Variants in SMOC1 observed in about 807,000 individuals in gnomAD.
SMOC1 encodes the protein SPARC related modular calcium binding 1.
A neutral mutation model predicts 56.3 loss-of-function variants in SMOC1; 22 were observed. The ratio of observed to expected loss-of-function variants is 0.39; its 90% CI spans 0.28 to 0.56. SMOC1 has a LOEUF of 0.56. Among genes scored for constraint, SMOC1 ranks in the 20% least tolerant of loss-of-function variants. The probability of loss-of-function intolerance (pLI) is 0.61; values close to 1 mark genes in which losing one functional copy is unlikely to be tolerated. For missense variants in SMOC1, 509 were observed against 565.4 expected, an observed-to-expected ratio of 0.90 and a Z score of 1.01; for synonymous variants, 193 against 215.0, an observed-to-expected ratio of 0.90 and a Z score of 0.89.
In SMOC1 at chr14:69,987,891, G is replaced by A. The variant is rs181012571; in HGVS notation, c.527-4526G>A. The stretch of plus-strand genomic sequence containing the variant: ...CTGTATAGGCTCACAGAGCCCATGC[G>A]GGGGCTGCAACTTTCTGGGGCTGCA... On this transcript the variant is annotated intron_variant, in intron 5 of 11. Transcript: ENST00000361956. Among the ~76,000 whole-genome samples, 62 of 152,284 alleles carry A rather than the reference G, an allele frequency of 4.1e-4. 1 individual carries two copies. Among genetic ancestry groups the A allele is most frequent in the Middle Eastern group, 3.4e-3 (1 of 294 alleles).
Position 69,998,069 on chromosome 14 carries a change from TTTTGCAATA to T in SMOC1, c.664+3590_664+3598del, listed in dbSNP as rs1337793289. 3.3e-5 allele frequency among the ~76,000 whole-genome samples: 5 copies of T among 152,274 alleles called. 1 individual carries two copies. The highest frequency in any genetic ancestry group is 7.4e-5 in the Non-Finnish European group (5 of 68,020). ...GAAAGGTTCCACTGGGCAGCTGAAG[TTTTGCAATA>T]ACATGACACATATGCCTACAGACTC... On this transcript the variant is annotated intron_variant, in intron 7 of 11. Transcript: ENST00000361956.
Position 69,977,852 on chromosome 14 carries a change from T to C in SMOC1, c.479-66T>C, listed in dbSNP as rs1053192437. On this transcript the variant is annotated intron_variant, in intron 4 of 11. Transcript: ENST00000361956. ...GCTCATAACATCAGGTTTTGCCAAC[T>C]CTTAGAAAGAAACCAACCACAATGC... 2.9e-6 allele frequency: 4 copies of C among 1,383,366 alleles called. No individual in the cohort carries two copies. In the African/African-American group the frequency reaches 4.3e-5, roughly 15 times the overall value. The allele number at this position is 1,383,366 out of a possible 1,614,324, so 85.7% of individuals were successfully genotyped here.
Position 69,888,145 on chromosome 14 carries a change from C to T in SMOC1, c.99+8368C>T, listed in dbSNP as rs888628252. 4.6e-5 allele frequency among the ~76,000 whole-genome samples: 7 copies of T among 152,054 alleles called. No homozygotes were observed. The East Asian group carries it at 5.8e-4, about 13-fold the overall frequency. On this transcript the variant is annotated intron_variant, in intron 1 of 11. Transcript: ENST00000361956. ...GTTGAGTTGCGGATGAGAAATAAAT[C>T]GGAGCTGCTTGTGAGGCCGCCAAAC...
chr14:69,895,481 C>T (rs1243389160), intron 1 of SMOC1, among the ~76,000 whole-genome samples: 1 of 152,104 alleles, frequency 6.6e-6, no homozygotes, highest in African/African-American at 2.4e-5. Context: ...ATCTGAAGGT[C>T]GACATGATAG....
intron 1 of SMOC1, chr14:69,885,331 A>G: frequency 7.1e-7 from 1 of 1,408,688 alleles, no homozygotes. Flanking sequence ...AAAACTCAAC[A>G]GTGTACATTT....
At chr14:70,012,033 C>T (rs1399967270) in intron 9 of SMOC1, among the ~76,000 whole-genome samples, 2 of 152,336 alleles carry the variant, frequency 1.3e-5, no homozygotes, top group East Asian at 1.9e-4. Context: ...CCTGGTACCT[C>T]CAAATGGCTG....
At chr14:69,920,607 G>A (rs553527913) in intron 1 of SMOC1, among the ~76,000 whole-genome samples, 1 of 152,340 alleles carries the variant, frequency 6.6e-6, no homozygotes, top group Non-Finnish European at 1.5e-5. Context: ...ACAGCGCCAG[G>A]TAAGGATACA....
chr14:70,025,745 C>T (rs1307835164), intron 11 of SMOC1, among the ~76,000 whole-genome samples: 1 of 152,218 alleles, frequency 6.6e-6, no homozygotes, highest in African/African-American at 2.4e-5. Flanking sequence ...ATCATGTCAG[C>T]ACTTAAAAGG....
Position 69,973,440 on chromosome 14 carries a change from A to T in SMOC1, c.379-2275A>T, listed in dbSNP as rs114001810. On this transcript the variant is annotated intron_variant, in intron 3 of 11. Coordinates refer to ENST00000361956, the MANE Select transcript of SMOC1 (RefSeq NM_001034852.3). ...TGGACCAGGATTCAAATCCACGTCTATCTGGATTTTTTTCCATTCCACCAT... is the reference window on the plus strand; with the variant it reads ...TGGACCAGGATTCAAATCCACGTCTTTCTGGATTTTTTTCCATTCCACCAT... 8.6e-3 allele frequency among the ~76,000 whole-genome samples: 1,311 copies of T among 152,312 alleles called. 23 individuals carry two copies. Among genetic ancestry groups the T allele is most frequent in the African/African-American group, 0.03 (1,249 of 41,580 alleles).
At chr14:70,020,517 G>A (rs777101294) in intron 10 of SMOC1, among the ~76,000 whole-genome samples, 4 of 152,082 alleles carry the variant, frequency 2.6e-5, no homozygotes, top group African/African-American at 7.2e-5. Context: ...CAGGACCCTC[G>A]GGCCTCACAG....
intron 7 of SMOC1, among the ~76,000 whole-genome samples, chr14:70,006,838 G>A (rs562264856): frequency 3.9e-5 from 6 of 152,232 alleles, no homozygotes; most frequent in African/African-American, 7.2e-5. Flanking sequence ...TCCAGTAGGC[G>A]AGACCAGCTT....
chr14:69,921,866 T>C (rs1430410764), intron 1 of SMOC1, among the ~76,000 whole-genome samples: 1 of 152,174 alleles, frequency 6.6e-6, no homozygotes, highest in Non-Finnish European at 1.5e-5. Flanking sequence ...GGAATCAAGA[T>C]GGAGAAAGGT....
chr14:69,935,736 C>G (rs1217206924), intron 1 of SMOC1, among the ~76,000 whole-genome samples: 1 of 152,190 alleles, frequency 6.6e-6, no homozygotes, highest in Non-Finnish European at 1.5e-5. Context: ...TGGGACCTGA[C>G]TCCGCAGCTC....
At chr14:69,978,846 G>C (rs1884072921) in intron 5 of SMOC1, among the ~76,000 whole-genome samples, 1 of 152,088 alleles carries the variant, frequency 6.6e-6, no homozygotes, top group Non-Finnish European at 1.5e-5. Context: ...GCTGTTTATT[G>C]GACAAGCCAA....
intron 5 of SMOC1, among the ~76,000 whole-genome samples, chr14:69,985,853 A>T (rs887203037): frequency 2.0e-5 from 3 of 152,248 alleles, no homozygotes; most frequent in African/African-American, 4.8e-5. Flanking sequence ...GTACATTGTT[A>T]TAATTATTCT....
chr14:70,006,589 C>G (rs889646040), intron 7 of SMOC1, among the ~76,000 whole-genome samples: 1 of 152,240 alleles, frequency 6.6e-6, no homozygotes. Flanking sequence ...TTTCAGTTAT[C>G]TGCTGCTGTG....
chr14:69,994,732 A>G (rs1884706072), intron 7 of SMOC1, among the ~76,000 whole-genome samples: 1 of 152,152 alleles, frequency 6.6e-6, no homozygotes, highest in Admixed American at 6.5e-5. Context: ...ATATTATAAT[A>G]TTTTGGTTAA....
At position 70,023,256 on chromosome 14, in the gene SMOC1, A is replaced by G; in HGVS notation, c.1100A>G (p.Tyr367Cys). Residue 367 changes from tyrosine to cysteine, a missense_variant, in exon 11 of 12, where the codon TAT becomes TGT. This residue lies in a region of SMOC1 where 176 missense variants were observed against 188.1 expected (regional missense o/e 0.94). Coordinates refer to ENST00000361956, the MANE Select transcript of SMOC1 (RefSeq NM_001034852.3). ...HTLEERVVHW[Y>C]FSQLDSNSSN... ...CTGGAGGAGCGGGTAGTGCACTGGT[A>G]TTTCAGCCAGCTGGACAGCAATAGC... is the stretch of plus-strand genomic sequence containing the variant. 6.2e-7 allele frequency: 1 copy of G among 1,614,122 alleles called. No individual in the cohort carries two copies. Among genetic ancestry groups the G allele is most frequent in the East Asian group, 2.2e-5 (1 of 44,884 alleles).
At chr14:69,918,240 T>A (rs962571752) in intron 1 of SMOC1, among the ~76,000 whole-genome samples, 2 of 151,758 alleles carry the variant, frequency 1.3e-5, no homozygotes, top group Non-Finnish European at 2.9e-5. Context: ...ATATATATTT[T>A]TTTTTTGAGA....
Sources: gnomAD v4.1 joint callset for allele counts (sites outside exome capture counted in the v4.1 genomes callset) on GRCh38, gnomAD v4.1.1 for gene constraint, gnomAD v4.1.1 regional missense constraint, MANE v1.5 for transcripts, NCBI Gene and HGNC (gene_info 2026-07-23, HGNC 2026-07-21) for gene names.